Variants in TENM2 observed in about 807,000 individuals in gnomAD.
The protein encoded by TENM2 is teneurin-2.
A neutral mutation model predicts 245.2 loss-of-function variants in TENM2; 52 were observed. The ratio of observed to expected loss-of-function variants is 0.21; its 90% CI spans 0.17 to 0.27. TENM2 has a LOEUF of 0.27. Among genes scored for constraint, TENM2 ranks in the 10% least tolerant of loss-of-function variants. TENM2 has a pLI of 1.00. For missense variants in TENM2, 3,046 were observed against 3,666.8 expected (o/e 0.83, Z 4.37); for synonymous variants, 1,363 against 1,438.9 (o/e 0.95, Z 1.19).
intron 10 of TENM2, among the ~76,000 whole-genome samples, chr5:168,120,772 G>C (rs1795414671): frequency 6.6e-6 from 1 of 152,156 alleles, no homozygotes; most frequent in African/African-American, 2.4e-5. Flanking sequence ...CTTCCATTTA[G>C]CTTTTTTATT....
At chr5:167,308,541 T>C (rs1006470976) in intron 1 of TENM2, among the ~76,000 whole-genome samples, 7 of 152,312 alleles carry the variant, frequency 4.6e-5, no homozygotes, top group African/African-American at 1.7e-4. Context: ...AGATGTGCTG[T>C]CTCAGCCCAG....
chr5:167,838,999 T>A (rs1414131063), intron 2 of TENM2, among the ~76,000 whole-genome samples: 1 of 152,148 alleles, frequency 6.6e-6, no homozygotes, highest in East Asian at 1.9e-4. Context: ...TTGAGTGAAA[T>A]AGGAATAGGG....
intron 2 of TENM2, among the ~76,000 whole-genome samples, chr5:167,536,611 G>T (rs375883429): frequency 6.6e-6 from 1 of 152,054 alleles, no homozygotes; most frequent in Admixed American, 6.6e-5. Flanking sequence ...CAGAAATTTG[G>T]GATACCTATG....
At chr5:167,702,000 A>G (rs2150442987) in intron 2 of TENM2, among the ~76,000 whole-genome samples, 1 of 152,316 alleles carries the variant, frequency 6.6e-6, no homozygotes, top group Admixed American at 6.5e-5. Context: ...TCAACCCATC[A>G]GGCTTATTCA....
rs1388441625 is a variant in TENM2, at chr5:167,974,280, G to A, written c.948-18664G>A. ...AGGGAGGAAAGGAGGGAGGAAGGAA[G>A]GAAGGAAGGAAGGAAGGGAAGGAAG... On this transcript the variant is annotated intron_variant, in intron 4 of 28. Transcript: ENST00000518659. Among the ~76,000 whole-genome samples the A allele has an allele frequency of 4.0e-3, 6 of 1,494 alleles. 3 individuals carry two copies. The highest frequency in any genetic ancestry group is 0.01 in the Non-Finnish European group (6 of 572). 1.0% of individuals were successfully genotyped at this position (1,494 alleles called of 152,430 possible).
At chr5:167,279,210 A>G in the TENM2 span, among the ~76,000 whole-genome samples, 1 of 152,102 alleles carries the variant, frequency 6.6e-6, no homozygotes, top group Non-Finnish European at 1.5e-5. Flanking sequence ...ATATTTTTTC[A>G]CTGCCTTTAG....
intron 7 of TENM2, among the ~76,000 whole-genome samples, chr5:168,082,194 C>A (rs940927686): frequency 2.0e-5 from 3 of 152,206 alleles, no homozygotes; most frequent in African/African-American, 7.2e-5. Flanking sequence ...TCTTAAATCA[C>A]TGATACTCTT....
At chr5:167,631,284 G>A (rs1221672581) in intron 2 of TENM2, among the ~76,000 whole-genome samples, 1 of 152,138 alleles carries the variant, frequency 6.6e-6, no homozygotes, top group Non-Finnish European at 1.5e-5. Context: ...AGGCAAATGG[G>A]GCTATTTCAC....
intron 2 of TENM2, among the ~76,000 whole-genome samples, chr5:167,620,043 A>ATTT (rs1778055459): frequency 6.6e-6 from 1 of 152,148 alleles, no homozygotes; most frequent in African/African-American, 2.4e-5. Context: ...ATATGTATGT[A>ATTT]TTTTAAGAGT....
At chr5:167,815,549 T>A (rs543180682) in intron 2 of TENM2, among the ~76,000 whole-genome samples, 1 of 152,156 alleles carries the variant, frequency 6.6e-6, no homozygotes, top group Non-Finnish European at 1.5e-5. Context: ...CAAGTTACAA[T>A]AAGAGGCCAT....
At chr5:167,370,493 A>G (rs1333723649) in intron 1 of TENM2, among the ~76,000 whole-genome samples, 2 of 152,148 alleles carry the variant, frequency 1.3e-5, no homozygotes, top group Non-Finnish European at 2.9e-5. Flanking sequence ...ATCACTGAAC[A>G]GTTTTTAGAC....
chr5:168,115,306 A>AGGAAGGAAG (rs55957924), intron 9 of TENM2, among the ~76,000 whole-genome samples: 6,842 of 137,374 alleles, frequency 0.05, 472 homozygotes, highest in East Asian at 0.23. Context: ...AAAAGAAAGA[A>AGGAAGGAAG]GGAAGGAAGG....
chr5:168,044,659 C>G (rs1788465087), intron 5 of TENM2, among the ~76,000 whole-genome samples: 1 of 151,990 alleles, frequency 6.6e-6, no homozygotes, highest in Non-Finnish European at 1.5e-5. Context: ...GATGTGTAAC[C>G]TCTCTGTGGC....
At chr5:167,885,162 A>G (rs1774184687) in intron 3 of TENM2, among the ~76,000 whole-genome samples, 1 of 152,124 alleles carries the variant, frequency 6.6e-6, no homozygotes, top group African/African-American at 2.4e-5. Flanking sequence ...TGCTTATCAG[A>G]TAGGTGATTT....
the TENM2 span, among the ~76,000 whole-genome samples, chr5:167,180,380 G>A: frequency 6.6e-6 from 1 of 152,070 alleles, no homozygotes; most frequent in Non-Finnish European, 1.5e-5. Flanking sequence ...AACAGAATAA[G>A]TGCTTCTTTA....
At chr5:167,339,904 C>A (rs1757995932) in intron 1 of TENM2, among the ~76,000 whole-genome samples, 1 of 152,160 alleles carries the variant, frequency 6.6e-6, no homozygotes, top group African/African-American at 2.4e-5. Context: ...ACGCTGAATG[C>A]CAGCACCTTG....
intron 2 of TENM2, among the ~76,000 whole-genome samples, chr5:167,760,616 A>G (rs1027535601): frequency 6.6e-6 from 1 of 152,178 alleles, no homozygotes; most frequent in Non-Finnish European, 1.5e-5. Flanking sequence ...GTAAGTGTCA[A>G]CAACAGGTTC....
intron 5 of TENM2, among the ~76,000 whole-genome samples, chr5:168,005,765 C>T (rs368541928): frequency 4.8e-4 from 73 of 152,236 alleles, no homozygotes; most frequent in African/African-American, 1.5e-3. Flanking sequence ...ATAATGGTGT[C>T]GAGTGCTGCC....
chr5:167,119,454 A>T, the TENM2 span: 1 of 152,248 alleles, frequency 6.6e-6, no homozygotes, highest in African/African-American at 2.4e-5. Flanking sequence ...TATAAAAAAC[A>T]TAAATTTACT....
Sources: allele counts gnomAD v4.1 joint callset (sites outside exome capture counted in the v4.1 genomes callset), GRCh38; gene constraint gnomAD v4.1.1; transcripts MANE v1.5; gene names NCBI Gene and HGNC (gene_info 2026-07-23, HGNC 2026-07-21).